FCHO2: variants seen among roughly 807,000 people sequenced by gnomAD.
FCHO2 encodes FCH and mu domain containing endocytic adaptor 2, also known as F-BAR domain only protein 2.
FCHO2 carries 43 observed loss-of-function variants against 114.1 expected under a neutral mutation model. That is an observed-to-expected ratio of 0.38 (90% confidence interval 0.30 to 0.49). The LOEUF (loss-of-function observed/expected upper bound fraction) is 0.49. FCHO2 is among the 20% of genes least tolerant of loss of function. The pLI, the probability that FCHO2 is intolerant of heterozygous loss-of-function variation, is 0.97. For synonymous variants in FCHO2, 293 were observed against 315.2 expected (o/e 0.93, Z 0.75); for missense variants, 807 against 950.4 (o/e 0.85, Z 1.98).
At chr5:73,070,783 CTCTT>C (rs1445630187) in intron 19 of FCHO2, among the ~76,000 whole-genome samples, 1 of 151,936 alleles carries the variant, frequency 6.6e-6, no homozygotes, top group South Asian at 2.1e-4. Context: ...CTAAAAAGTT[CTCTT>C]TCTTTGCCAT....
intron 6 of FCHO2, among the ~76,000 whole-genome samples, chr5:73,006,874 C>T (rs954235869): frequency 6.6e-6 from 1 of 152,038 alleles, no homozygotes; most frequent in Non-Finnish European, 1.5e-5. Context: ...AGTGAGGCTA[C>T]GGCAGTCAAT....
chr5:73,083,615 G>C (rs185381710), intron 24 of FCHO2, among the ~76,000 whole-genome samples: 226 of 152,182 alleles, frequency 1.5e-3, no homozygotes, highest in African/African-American at 5.2e-3. Context: ...TTGCCGTCCC[G>C]GCACAGTGGC....
At chr5:72,983,204 A>G (rs1052504253) in intron 2 of FCHO2, among the ~76,000 whole-genome samples, 1 of 152,006 alleles carries the variant, frequency 6.6e-6, no homozygotes, top group Non-Finnish European at 1.5e-5. Context: ...GTGAGCCACC[A>G]TGCCCGGCCT....
intron 24 of FCHO2, among the ~76,000 whole-genome samples, chr5:73,085,727 A>T (rs780185028): frequency 6.6e-6 from 1 of 151,924 alleles, no homozygotes; most frequent in African/African-American, 2.4e-5. Context: ...GTGAGCCAAG[A>T]TTGCACCACT....
chr5:73,078,287 A>G lies in FCHO2; in HGVS notation c.1955A>G (p.Tyr652Cys), dbSNP rs1742983282. The G allele has an allele frequency of 6.2e-7, 1 of 1,602,630 alleles. No individual in the cohort carries two copies. The highest frequency in any genetic ancestry group is 1.7e-5 in the Admixed American group (1 of 58,846). The change falls in exon 22 of 26, where the codon TAT (tyrosine) becomes TGT (cysteine). Residue 652 changes from tyrosine (Y) to cysteine (C), a missense_variant. Transcript: ENST00000430046. ...GAGCAAAATCCAGCTGCTTCTTATT[A>G]TAATGTAGATGTATTAAAGTATCAG... ...LSEQNPAASY[Y>C]NVDVLKYQVS...
intron 1 of FCHO2, among the ~76,000 whole-genome samples, chr5:72,957,133 ATAGT>A (rs994760597): frequency 6.6e-6 from 1 of 152,178 alleles, no homozygotes; most frequent in African/African-American, 2.4e-5. Flanking sequence ...AGATCAGTTC[ATAGT>A]TATTTATTTG....
intron 17 of FCHO2, among the ~76,000 whole-genome samples, chr5:73,060,549 T>TTA (rs1757807188): frequency 6.6e-6 from 1 of 152,052 alleles, no homozygotes; most frequent in South Asian, 2.1e-4. Context: ...ACAACCAGTC[T>TTA]TAAACTTTGT....
rs200994175 is a variant in FCHO2 at position 72,998,047 on chromosome 5, GA to G, written c.495+7193del. ...TTTTTCTAAACTCTTGTACAAAACT[GA>G]AAAAAAAAATGCTATTTATATACAG... On this transcript the variant is annotated intron_variant, in intron 5 of 25. Coordinates refer to ENST00000430046, the MANE Select transcript of FCHO2 (RefSeq NM_138782.3). Among the ~76,000 whole-genome samples the G allele has an allele frequency of 2.0e-3, 288 of 145,654 alleles. 1 individual carries two copies. Among genetic ancestry groups the G allele is most frequent in the African/African-American group, 6.1e-3 (244 of 39,734 alleles).
chr5:73,017,337 T>C (rs1383516205), intron 8 of FCHO2, 29 bp downstream of exon 8: 1 of 1,426,086 alleles, frequency 7.0e-7, no homozygotes, highest in Non-Finnish European at 9.5e-7. Flanking sequence ...CAAGGAAACA[T>C]TTTAAATTTT....
At chr5:72,997,480 G>A in intron 5 of FCHO2, 1 of 1,543,474 alleles carries the variant, frequency 6.5e-7, no homozygotes, top group African/African-American at 1.4e-5. Context: ...ACTCTCCAGG[G>A]GTTTACAGGA....
chr5:73,087,593 T>C lies in FCHO2; in HGVS notation c.2250T>C (p.Ser750=). Residue 750 remains serine (S), a synonymous_variant, in exon 25 of 26, where the codon TCT becomes TCC. Coordinates refer to ENST00000430046, the MANE Select transcript of FCHO2 (RefSeq NM_138782.3). ...SISEKSENGG[S]GSLRAKFDLS... ...GCTTTATTCTTTTCTTTGTAGGTTC[T>C]GGGTCCCTCCGAGCAAAATTTGATC... The C allele has an allele frequency of 1.2e-6, 2 of 1,613,790 alleles. No individual in the cohort carries two copies. Among genetic ancestry groups the C allele is most frequent in the Non-Finnish European group, 1.7e-6 (2 of 1,179,758 alleles).
At chr5:72,995,943 G>GA (rs112043130) in intron 5 of FCHO2, among the ~76,000 whole-genome samples, 100 of 149,138 alleles carry the variant, frequency 6.7e-4, no homozygotes, top group African/African-American at 2.1e-3. Context: ...TTGTCAAATT[G>GA]AAAAAAAAAA....
rs7706193 is a variant in FCHO2 at position 73,034,289 on chromosome 5, C to T, written c.797-368C>T. Reference sequence around the variant, plus strand: ...GCCCTGTTCTTCCCATGAACACCACCGAGGATTCAGCAACCACCTTTACCA... The same window carrying T: ...GCCCTGTTCTTCCCATGAACACCACTGAGGATTCAGCAACCACCTTTACCA... On this transcript the variant is annotated intron_variant, in intron 8 of 25. Coordinates refer to ENST00000430046, the MANE Select transcript of FCHO2 (RefSeq NM_138782.3). Among the ~76,000 whole-genome samples the T allele has an allele frequency of 2.8e-3, 427 of 152,196 alleles. 2 individuals carry two copies. The highest frequency in any genetic ancestry group is 9.8e-3 in the African/African-American group (408 of 41,522).
chr5:73,004,898 TG>T (rs1214035254), intron 5 of FCHO2, among the ~76,000 whole-genome samples: 1 of 152,250 alleles, frequency 6.6e-6, no homozygotes, highest in African/African-American at 2.4e-5. Flanking sequence ...ATCATAGTTA[TG>T]TATGTATAGG....
intron 2 of FCHO2, among the ~76,000 whole-genome samples, chr5:72,975,782 G>A (rs1023143419): frequency 1.3e-5 from 2 of 152,200 alleles, no homozygotes; most frequent in African/African-American, 4.8e-5. Context: ...TGGGATTACA[G>A]GCATGAGCCA....
intron 12 of FCHO2, 86 bp downstream of exon 12, chr5:73,051,492 C>T: frequency 4.1e-6 from 3 of 734,116 alleles, no homozygotes; most frequent in Non-Finnish European, 4.3e-6. Flanking sequence ...AAAGCCTCTT[C>T]CAATTTTTTA....
intron 17 of FCHO2, among the ~76,000 whole-genome samples, chr5:73,060,984 A>T (rs2112857174): frequency 6.6e-6 from 1 of 151,116 alleles, no homozygotes; most frequent in South Asian, 2.1e-4. Flanking sequence ...TCTGCCTATG[A>T]ATTAATTGAA....
chr5:73,078,331 CA>C lies in FCHO2; in HGVS notation c.1980+24del. On this transcript the variant is annotated intron_variant, in intron 22 of 25. Coordinates refer to ENST00000430046, the MANE Select transcript of FCHO2 (RefSeq NM_138782.3). ...GTATCAGGTGAGTGTCACGACATTGCAAAAATTCTAAATTAAAATATTAAAA... is the reference window on the plus strand; with the variant it reads ...GTATCAGGTGAGTGTCACGACATTGCAAAATTCTAAATTAAAATATTAAAA... 6.4e-7 allele frequency: 1 copy of C among 1,563,582 alleles called. No individual in the cohort carries two copies. Among genetic ancestry groups the C allele is most frequent in the Non-Finnish European group, 8.6e-7 (1 of 1,159,582 alleles).
chr5:72,977,175 G>C (rs1000866731), intron 2 of FCHO2, among the ~76,000 whole-genome samples: 8 of 152,076 alleles, frequency 5.3e-5, no homozygotes, highest in Non-Finnish European at 8.8e-5. Flanking sequence ...GATATTTCTG[G>C]TTCTAGATCC....
Sources: allele counts gnomAD v4.1 joint callset (sites outside exome capture counted in the v4.1 genomes callset), GRCh38; gene constraint gnomAD v4.1.1; transcripts MANE v1.5; gene names NCBI Gene and HGNC (gene_info 2026-07-23, HGNC 2026-07-21).